Variants in TMEM272 observed in about 807,000 individuals in gnomAD.
The protein encoded by TMEM272 is long intergenic non-protein coding RNA 282.
Under a neutral mutation model 3.7 loss-of-function variants are expected in TMEM272, and 8 were observed. The observed-to-expected ratio is 2.17, with a 90% CI of 1.27 to 3.91. TMEM272 has a LOEUF of 3.91. TMEM272 is among the 30% of genes most tolerant of loss of function. The pLI, the probability that TMEM272 is intolerant of heterozygous loss-of-function variation, is 0.00. For missense variants in TMEM272, 166 were observed against 91.5 expected (o/e 1.81, Z -3.32); for synonymous variants, 63 against 39.8 (o/e 1.58, Z -2.20).
chr13:51,909,707 T>G, the TMEM272 span: 1 of 1,552,648 alleles, frequency 6.4e-7, no homozygotes, highest in Non-Finnish European at 8.9e-7. Context: ...GAGGATTATC[T>G]AAGTAAGCAC....
the TMEM272 span, among the ~76,000 whole-genome samples, chr13:51,903,479 T>G: frequency 6.6e-6 from 1 of 152,164 alleles, no homozygotes. Flanking sequence ...TGACGATGTC[T>G]CAGTTGTCAC....
the TMEM272 span, among the ~76,000 whole-genome samples, chr13:51,897,914 G>A: frequency 1.8e-4 from 14 of 79,698 alleles, no homozygotes; most frequent in Non-Finnish European, 2.7e-4. Context: ...GTGACAGGGT[G>A]AGACTCCATC....
intron 2 of TMEM272, among the ~76,000 whole-genome samples, chr13:51,826,927 T>C (rs555076510): frequency 6.6e-6 from 1 of 152,330 alleles, no homozygotes; most frequent in South Asian, 2.1e-4. Flanking sequence ...AAACTGCCAC[T>C]GTGCCCGTGC....
chr13:51,837,331 A>G (rs532240480), intron 2 of TMEM272, among the ~76,000 whole-genome samples: 2 of 152,162 alleles, frequency 1.3e-5, no homozygotes, highest in East Asian at 1.9e-4. Context: ...TAGAGCAACA[A>G]TATAGCTGAT....
the TMEM272 span, chr13:51,909,878 G>A: frequency 3.1e-6 from 5 of 1,596,174 alleles, no homozygotes; most frequent in Admixed American, 8.4e-5. Flanking sequence ...GTACTTTGGA[G>A]TCTTCAAATG....
chr13:51,821,300 T>C (rs1012837140), intron 4 of TMEM272, among the ~76,000 whole-genome samples: 2 of 152,208 alleles, frequency 1.3e-5, no homozygotes, highest in Non-Finnish European at 2.9e-5. Context: ...TGGGAAGAGT[T>C]GTTGATAGAC....
chr13:51,866,597 T>C, the TMEM272 span, among the ~76,000 whole-genome samples: 1 of 152,162 alleles, frequency 6.6e-6, no homozygotes. Context: ...CCTCCTCTGG[T>C]AGGGCATGTG....
At chr13:51,853,059 G>T in the TMEM272 span, among the ~76,000 whole-genome samples, 3 of 151,928 alleles carry the variant, frequency 2.0e-5, no homozygotes, top group African/African-American at 7.3e-5. Flanking sequence ...TATGTTATAT[G>T]TATTATATAT....
the TMEM272 span, among the ~76,000 whole-genome samples, chr13:51,914,641 T>C: frequency 6.6e-6 from 1 of 152,194 alleles, no homozygotes; most frequent in African/African-American, 2.4e-5. Context: ...CCTCCCTGAG[T>C]GGCAATGGTT....
the TMEM272 span, chr13:51,865,349 T>C: frequency 3.2e-6 from 5 of 1,545,592 alleles, no homozygotes; most frequent in Non-Finnish European, 4.4e-6. Context: ...CCAGCCGACC[T>C]GGACCTGGCC....
At chr13:51,865,823 C>T in the TMEM272 span, 5 of 1,614,078 alleles carry the variant, frequency 3.1e-6, no homozygotes, top group African/African-American at 6.7e-5. Flanking sequence ...AGACCGGAAC[C>T]TTCTTCAGGA....
the TMEM272 span, among the ~76,000 whole-genome samples, chr13:51,859,178 A>G: frequency 6.8e-6 from 1 of 147,668 alleles, no homozygotes; most frequent in African/African-American, 2.5e-5. Flanking sequence ...GGCATTTGTA[A>G]AAAAAAAAAA....
At chr13:51,877,588 A>C in the TMEM272 span, among the ~76,000 whole-genome samples, 3 of 152,276 alleles carry the variant, frequency 2.0e-5, no homozygotes, top group African/African-American at 7.2e-5. Flanking sequence ...GAAAGTAGAA[A>C]CAGCAAACCA....
chr13:51,818,058 C>T (rs1305595878), intron 4 of TMEM272, among the ~76,000 whole-genome samples: 1 of 152,190 alleles, frequency 6.6e-6, no homozygotes, highest in Non-Finnish European at 1.5e-5. Context: ...TTTTTGAAAG[C>T]CTGACCTGTG....
At chr13:51,893,981 G>C in the TMEM272 span, among the ~76,000 whole-genome samples, 1 of 152,188 alleles carries the variant, frequency 6.6e-6, no homozygotes, top group Admixed American at 6.5e-5. Flanking sequence ...AAAGAAGGAA[G>C]AAGTCATCAC....
chr13:51,859,529 C>CACACAA, the TMEM272 span, among the ~76,000 whole-genome samples: 1 of 151,680 alleles, frequency 6.6e-6, no homozygotes, highest in Non-Finnish European at 1.5e-5. Flanking sequence ...CACACACACA[C>CACACAA]ACACACACAC....
At chr13:51,878,554 C>T in the TMEM272 span, among the ~76,000 whole-genome samples, 1 of 152,200 alleles carries the variant, frequency 6.6e-6, no homozygotes, top group African/African-American at 2.4e-5. Context: ...TCCCCCAGCA[C>T]CTGGGGATTA....
chr13:51,904,448 G>T, the TMEM272 span, among the ~76,000 whole-genome samples: 22 of 152,144 alleles, frequency 1.4e-4, no homozygotes, highest in Admixed American at 7.2e-4. Context: ...TGATGAGTCA[G>T]ATCTGGGAAA....
the TMEM272 span, among the ~76,000 whole-genome samples, chr13:51,863,697 ACACACACACAC>A: frequency 2.3e-5 from 3 of 132,396 alleles, no homozygotes; most frequent in Admixed American, 7.9e-5. Context: ...ACACACACAC[ACACACACACAC>A]ACCAGCTATG....
Sources: gnomAD v4.1 joint callset for allele counts (sites outside exome capture counted in the v4.1 genomes callset) on GRCh38, gnomAD v4.1.1 for gene constraint, MANE v1.5 for transcripts, NCBI Gene and HGNC (gene_info 2026-07-23, HGNC 2026-07-21) for gene names.